PACSIN2: variants seen among roughly 807,000 people sequenced by gnomAD.
The protein encoded by PACSIN2 is protein kinase C and casein kinase substrate in neurons 2.
Under a neutral mutation model 63.8 loss-of-function variants are expected in PACSIN2, and 25 were observed. That is an observed-to-expected ratio of 0.39 (90% confidence interval 0.29 to 0.55). The LOEUF (loss-of-function observed/expected upper bound fraction) is 0.55. Ranked by LOEUF, PACSIN2 falls within the 20% of genes least tolerant of loss-of-function variation. PACSIN2 has a pLI of 0.62. For missense variants in PACSIN2, 518 were observed against 646.9 expected (o/e 0.80, Z 2.16); for synonymous variants, 255 against 256.2 (o/e 1.00, Z 0.05).
At chr22:42,901,837 C>CT (rs545934415) in intron 2 of PACSIN2, among the ~76,000 whole-genome samples, 142 of 152,340 alleles carry the variant, frequency 9.3e-4, no homozygotes, top group Non-Finnish European at 1.8e-3. Flanking sequence ...ACATTCGACT[C>CT]TGGTTCCATG....
intron 2 of PACSIN2, among the ~76,000 whole-genome samples, chr22:42,902,637 G>C (rs949057624): frequency 6.6e-6 from 1 of 151,950 alleles, no homozygotes; most frequent in African/African-American, 2.4e-5. Context: ...GTCTCGCTCT[G>C]TCTTCCAGGC....
chr22:43,000,952 G>C (rs1923728839), intron 1 of PACSIN2, among the ~76,000 whole-genome samples: 1 of 152,212 alleles, frequency 6.6e-6, no homozygotes, highest in African/African-American at 2.4e-5. Flanking sequence ...GCAAGGCCCA[G>C]CTCTGGGCCC....
At chr22:42,934,899 CT>C (rs5845571) in intron 1 of PACSIN2, among the ~76,000 whole-genome samples, 63,486 of 137,166 alleles carry the variant, frequency 0.46, 13,921 homozygotes, top group Admixed American at 0.49. Context: ...TCTTTCTTTT[CT>C]TTTCTTTCTT....
chr22:42,914,997 G>A (rs1931718856), intron 1 of PACSIN2, among the ~76,000 whole-genome samples: 1 of 152,120 alleles, frequency 6.6e-6, no homozygotes, highest in African/African-American at 2.4e-5. Context: ...CTGAGTAGCT[G>A]GGACTACAGG....
intron 1 of PACSIN2, among the ~76,000 whole-genome samples, chr22:42,971,617 C>T (rs1442314655): frequency 2.0e-5 from 3 of 151,800 alleles, no homozygotes; most frequent in South Asian, 2.1e-4. Context: ...TCTGCCCAAC[C>T]GCCACCATGT....
chr22:42,919,786 AAAAAAAAAAAAG>A lies in PACSIN2; in HGVS notation c.-77-7641_-77-7630del, dbSNP rs1468075249. ...AGAACCTGTCTCAAAAAAAAAAAAA[AAAAAAAAAAAAG>A]AAAGAAAGAAAGAAAAAGAAAAAGA... is the stretch of plus-strand genomic sequence containing the variant. On this transcript the variant is annotated intron_variant, in intron 1 of 10. Coordinates refer to ENST00000263246, the MANE Select transcript of PACSIN2 (RefSeq NM_001184970.3). 7.3e-3 allele frequency among the ~76,000 whole-genome samples: 1,053 copies of A among 143,300 alleles called. 11 individuals carry two copies. The highest frequency in any genetic ancestry group is 0.026 in the African/African-American group (975 of 37,800). The allele number at this position is 143,300 out of a possible 152,430, so 94.0% of individuals were successfully genotyped here.
intron 1 of PACSIN2, among the ~76,000 whole-genome samples, chr22:42,954,632 G>C (rs969832751): frequency 6.6e-6 from 1 of 152,114 alleles, no homozygotes; most frequent in Non-Finnish European, 1.5e-5. Context: ...TTTAATTTTA[G>C]TCAATTTTAA....
In PACSIN2 at chr22:43,010,398, A is replaced by ATAT; in HGVS notation, c.-78+4622_-78+4623insATA. ...TGTTTAAAAATACATATATATATAT[A>ATAT]TTTTTTTTTAATTGAAAATAAAAAA... On this transcript the variant is annotated intron_variant, in intron 1 of 10. Coordinates refer to ENST00000263246, the MANE Select transcript of PACSIN2 (RefSeq NM_001184970.3). Among the ~76,000 whole-genome samples, 349 of 126,406 alleles carry ATAT rather than the reference A, an allele frequency of 2.8e-3. 8 individuals carry two copies. Among genetic ancestry groups the ATAT allele is most frequent in the African/African-American group, 9.2e-3 (324 of 35,352 alleles). The allele number at this position is 126,406 out of a possible 152,430, so 82.9% of individuals were successfully genotyped here.
At chr22:42,973,473 C>T (rs530565939) in intron 1 of PACSIN2, among the ~76,000 whole-genome samples, 1 of 152,366 alleles carries the variant, frequency 6.6e-6, no homozygotes, top group South Asian at 2.1e-4. Context: ...TTTAACTTCT[C>T]ATTGAGAAAA....
intron 1 of PACSIN2, among the ~76,000 whole-genome samples, chr22:42,969,888 G>T (rs1921115632): frequency 6.7e-6 from 1 of 150,268 alleles, no homozygotes; most frequent in Non-Finnish European, 1.5e-5. Context: ...GAGTGACAGG[G>T]TGAGATGCTG....
intron 2 of PACSIN2, among the ~76,000 whole-genome samples, chr22:42,903,970 G>A (rs754004938): frequency 2.0e-5 from 3 of 152,100 alleles, no homozygotes; most frequent in Non-Finnish European, 4.4e-5. Flanking sequence ...TCATTTAAAA[G>A]CATGAATCCC....
At chr22:42,967,913 G>T (rs60163871) in intron 1 of PACSIN2, among the ~76,000 whole-genome samples, 1 of 152,232 alleles carries the variant, frequency 6.6e-6, no homozygotes, top group South Asian at 2.1e-4. Context: ...TCCTGCAAAT[G>T]GATGATCAAA....
Position 42,870,943 on chromosome 22 carries a change from C to A in PACSIN2, c.*414G>T, listed in dbSNP as rs904971739. On this transcript the variant is annotated 3_prime_UTR_variant, in exon 11 of 11. Coordinates refer to ENST00000263246, the MANE Select transcript of PACSIN2 (RefSeq NM_001184970.3). Reference sequence around the variant, plus strand: ...CTGTACACAGCCTTTAAATTAAAAACCTCAAAATCTTCACTCAAAATGGGA... The same window carrying A: ...CTGTACACAGCCTTTAAATTAAAAAACTCAAAATCTTCACTCAAAATGGGA... The A allele has an allele frequency of 1.0e-5, 2 of 200,956 alleles. No homozygotes were observed. Among genetic ancestry groups the A allele is most frequent in the Non-Finnish European group, 2.1e-5 (2 of 96,494 alleles). 12.4% of individuals were successfully genotyped at this position (200,956 alleles called of 1,614,324 possible).
At position 42,981,650 on chromosome 22, in the gene PACSIN2, G is replaced by C. The variant is rs1443159948; in HGVS notation, c.-78+33371C>G. Among the ~76,000 whole-genome samples, 17 of 128,110 alleles carry C rather than the reference G, an allele frequency of 1.3e-4. No individual in the cohort carries two copies. In the East Asian group the frequency reaches 3.4e-3, roughly 25 times the overall value. 84.0% of individuals were successfully genotyped at this position (128,110 alleles called of 152,430 possible). On this transcript the variant is annotated intron_variant, in intron 1 of 10. Coordinates refer to ENST00000263246, the MANE Select transcript of PACSIN2 (RefSeq NM_001184970.3). ...GCCGCCCCGTCCGGGAGGGAGGTGG[G>C]GGGGTCAGCCCCCCGCCCGGCCAGC...
chr22:42,936,027 C>T (rs1438089761), intron 1 of PACSIN2, among the ~76,000 whole-genome samples: 2 of 152,016 alleles, frequency 1.3e-5, no homozygotes, highest in African/African-American at 4.8e-5. Context: ...TCCTGGCTAA[C>T]ACGGTGAAAC....
intron 1 of PACSIN2, among the ~76,000 whole-genome samples, chr22:43,014,126 A>C (rs1924685151): frequency 6.6e-6 from 1 of 152,116 alleles, no homozygotes; most frequent in Non-Finnish European, 1.5e-5. Flanking sequence ...AGCAGCAATC[A>C]CTACCTCTCC....
chr22:42,974,613 G>C (rs1249781094), intron 1 of PACSIN2, among the ~76,000 whole-genome samples: 6 of 152,028 alleles, frequency 3.9e-5, no homozygotes. Context: ...GCTGGGCATG[G>C]TGGTGTGTGC....
chr22:43,002,264 C>T (rs1031038401), intron 1 of PACSIN2: 2 of 152,106 alleles, frequency 1.3e-5, no homozygotes, highest in African/African-American at 2.4e-5. Context: ...ATATGCATCC[C>T]TTAAGTGAGG....
At chr22:43,009,442 T>C (rs891828085) in intron 1 of PACSIN2, among the ~76,000 whole-genome samples, 1 of 152,216 alleles carries the variant, frequency 6.6e-6, no homozygotes, top group Non-Finnish European at 1.5e-5. Flanking sequence ...AGAGGGAGCT[T>C]AGAGATGGAA....
Sources: gnomAD v4.1 joint callset for allele counts (sites outside exome capture counted in the v4.1 genomes callset) on GRCh38, gnomAD v4.1.1 for gene constraint, MANE v1.5 for transcripts, NCBI Gene and HGNC (gene_info 2026-07-23, HGNC 2026-07-21) for gene names.